CDKN3: variants seen among roughly 807,000 people sequenced by gnomAD.
The protein encoded by CDKN3 is cyclin-dependent kinase inhibitor 3.
Under a neutral mutation model 36.1 loss-of-function variants are expected in CDKN3, and 19 were observed. The ratio of observed to expected loss-of-function variants is 0.53; its 90% confidence interval spans 0.37 to 0.77. The LOEUF is 0.77. Ranked by LOEUF, CDKN3 falls within the 30% of genes least tolerant of loss-of-function variation. The pLI is 0.00. For missense variants in CDKN3, 188 were observed against 248.6 expected (o/e 0.76, Z 1.64); for synonymous variants, 71 against 85.3 (o/e 0.83, Z 0.92).
intron 1 of CDKN3, among the ~76,000 whole-genome samples, chr14:54,399,572 A>C (rs887329750): frequency 2.6e-5 from 4 of 152,136 alleles, no homozygotes; most frequent in African/African-American, 9.7e-5. Context: ...AAATCTCCTC[A>C]CTTTATAGTT....
At chr14:54,412,931 C>T (rs1425892626) in intron 5 of CDKN3, 1 of 500,190 alleles carries the variant, frequency 2.0e-6, no homozygotes, top group South Asian at 1.5e-5. Context: ...TATCAAATAG[C>T]CATGGGGTTC....
chr14:54,403,409 A>C (rs2030033640), intron 3 of CDKN3, among the ~76,000 whole-genome samples: 1 of 152,214 alleles, frequency 6.6e-6, no homozygotes, highest in East Asian at 1.9e-4. Context: ...TTGTATCCTG[A>C]GACTTTGCTG....
chr14:54,410,773 A>T (rs923870486), intron 4 of CDKN3, among the ~76,000 whole-genome samples: 1 of 152,150 alleles, frequency 6.6e-6, no homozygotes, highest in Non-Finnish European at 1.5e-5. Flanking sequence ...AAAAAGAAAA[A>T]AAGTGCTATC....
Position 54,401,618 on chromosome 14 carries a change from A to G in CDKN3, c.148+39A>G, listed in dbSNP as rs548446236. 84 of 1,299,204 alleles carry G rather than the reference A, an allele frequency of 6.5e-5. 2 individuals are homozygous for G. The Middle Eastern group carries it at 3.2e-3, about 50-fold the overall frequency. The allele number at this position is 1,299,204 out of a possible 1,614,324, so 80.5% of individuals were successfully genotyped here. On this transcript the variant is annotated intron_variant, in intron 3 of 7. Coordinates refer to ENST00000335183, the MANE Select transcript of CDKN3 (RefSeq NM_005192.4). Reference sequence around the variant, plus strand: ...TAATGGGCTTCCTATCAATATGTATATATTTTTTAATATATTTTTATTGCA... The same window carrying G: ...TAATGGGCTTCCTATCAATATGTATGTATTTTTTAATATATTTTTATTGCA...
chr14:54,412,977 T>A, intron 5 of CDKN3: 1 of 456,536 alleles, frequency 2.2e-6, no homozygotes, highest in East Asian at 6.6e-5. Context: ...CCCAGCCAAC[T>A]TCTCCTCTTA....
chr14:54,411,365 A>G lies in CDKN3; in HGVS notation c.194-119A>G, dbSNP rs1283205404. Reference sequence around the variant, plus strand: ...ATCAATAGGCACTTCAGATTTATAGATTGTCATTTGGTATTAGTTTGGCTT... The same window carrying G: ...ATCAATAGGCACTTCAGATTTATAGGTTGTCATTTGGTATTAGTTTGGCTT... On this transcript the variant is annotated intron_variant, in intron 4 of 7. Coordinates refer to ENST00000335183, the MANE Select transcript of CDKN3 (RefSeq NM_005192.4). 5.6e-6 allele frequency: 4 copies of G among 708,168 alleles called. No individual in the cohort carries two copies. In the Admixed American group the frequency reaches 1.1e-4, roughly 20 times the overall value. 43.9% of individuals were successfully genotyped at this position (708,168 alleles called of 1,614,324 possible). A position where few individuals can be genotyped will look rare whatever the true frequency, so the allele number is the denominator to read the frequency against.
rs142684023 is a variant in CDKN3, at chr14:54,410,926, C to T, written c.194-558C>T. 1.2e-3 allele frequency among the ~76,000 whole-genome samples: 184 copies of T among 152,134 alleles called. 1 individual carries two copies. The highest frequency in any genetic ancestry group is 4.1e-3 in the African/African-American group (171 of 41,522). ...AGGCATGGTGGCTCATGCCTGTAAT[C>T]CCAGCACTTTGGGAGGCGGAGGCGG... On this transcript the variant is annotated intron_variant, in intron 4 of 7. Coordinates refer to ENST00000335183, the MANE Select transcript of CDKN3 (RefSeq NM_005192.4).
At chr14:54,416,870 T>A (rs991627473) in intron 6 of CDKN3, among the ~76,000 whole-genome samples, 4 of 152,124 alleles carry the variant, frequency 2.6e-5, no homozygotes, top group Non-Finnish European at 5.9e-5. Context: ...ATGGGCAAAG[T>A]ATCCGAATAA....
intron 3 of CDKN3, among the ~76,000 whole-genome samples, chr14:54,405,678 A>G (rs1228814537): frequency 6.6e-6 from 1 of 151,596 alleles, no homozygotes; most frequent in Non-Finnish European, 1.5e-5. Context: ...TTTTTTTTGC[A>G]TTCCATTTGT....
intron 4 of CDKN3, among the ~76,000 whole-genome samples, chr14:54,409,556 G>A (rs1311511513): frequency 6.6e-6 from 1 of 152,144 alleles, no homozygotes; most frequent in Non-Finnish European, 1.5e-5. Context: ...TTCCTGGTCA[G>A]GTGCAGTGGT....
intron 7 of CDKN3, among the ~76,000 whole-genome samples, chr14:54,419,550 G>T (rs550954084): frequency 1.3e-5 from 2 of 152,242 alleles, no homozygotes; most frequent in East Asian, 3.9e-4. Flanking sequence ...AGTGCATTAT[G>T]TCATCACAAA....
intron 1 of CDKN3, 98 bp downstream of exon 1, chr14:54,397,175 A>T: frequency 1.6e-6 from 2 of 1,287,782 alleles, no homozygotes; most frequent in Non-Finnish European, 2.0e-6. Flanking sequence ...CTAGCCTGGT[A>T]GCAGTGCGAC....
chr14:54,402,549 T>A (rs1159435327), intron 3 of CDKN3, among the ~76,000 whole-genome samples: 1 of 152,180 alleles, frequency 6.6e-6, no homozygotes, highest in Non-Finnish European at 1.5e-5. Flanking sequence ...AGCTCTTTAG[T>A]TTAATTAAAT....
chr14:54,412,395 TAAAG>T (rs946868923), intron 5 of CDKN3, among the ~76,000 whole-genome samples: 8 of 110,552 alleles, frequency 7.2e-5, no homozygotes, highest in Non-Finnish European at 1.2e-4. Flanking sequence ...AAAAAAAAAA[TAAAG>T]AAAGTCGATT....
intron 4 of CDKN3, among the ~76,000 whole-genome samples, chr14:54,409,255 G>T (rs2030269837): frequency 1.3e-5 from 2 of 151,974 alleles, no homozygotes; most frequent in South Asian, 4.2e-4. Flanking sequence ...ACTGGTTGTT[G>T]CCTGCTCAAG....
At position 54,411,602 on chromosome 14, in the gene CDKN3, T is replaced by C. The variant is rs2030356118; in HGVS notation, c.312T>C (p.His104=). The change falls in exon 5 of 8, where the codon CAT becomes CAC. Residue 104 remains histidine, a synonymous_variant. Transcript: ENST00000335183. ...DLYQQCGIIT[H]HHPIADGGTP... Reference sequence around the variant, plus strand: ...ACCAGCAATGTGGAATTATCACCCATCATCATCCAATCGCAGATGGAGGGA... The same window carrying C: ...ACCAGCAATGTGGAATTATCACCCACCATCATCCAATCGCAGATGGAGGGA... 1 of 1,613,898 alleles carries C rather than the reference T, an allele frequency of 6.2e-7. No individual in the cohort carries two copies.
chr14:54,415,969 T>C (rs1209831924), intron 6 of CDKN3, 39 bp downstream of exon 6: 2 of 1,384,382 alleles, frequency 1.4e-6, no homozygotes, highest in Admixed American at 1.7e-5. Flanking sequence ...AACCGCCAAA[T>C]AGACAAACTT....
chr14:54,407,626 G>A (rs1001317999), intron 3 of CDKN3, among the ~76,000 whole-genome samples: 1 of 152,146 alleles, frequency 6.6e-6, no homozygotes, highest in Admixed American at 6.5e-5. Flanking sequence ...TCAAACTTCC[G>A]ACTGGCTTTG....
intron 3 of CDKN3, among the ~76,000 whole-genome samples, chr14:54,402,332 G>GTGTGTGTGTGTGTA (rs1043905258): frequency 6.6e-6 from 1 of 151,560 alleles, no homozygotes; most frequent in African/African-American, 2.4e-5. Context: ...GTGTGTGTGT[G>GTGTGTGTGTGTGTA]TGTATGTATA....
Sources: gnomAD v4.1 joint callset for allele counts (sites outside exome capture counted in the v4.1 genomes callset) on GRCh38, gnomAD v4.1.1 for gene constraint, MANE v1.5 for transcripts, NCBI Gene and HGNC (gene_info 2026-07-23, HGNC 2026-07-21) for gene names.